FZR1: variants seen among roughly 807,000 people sequenced by gnomAD.
FZR1 encodes the protein fizzy and cell division cycle 20 related 1.
FZR1 carries 11 observed loss-of-function variants against 63.6 expected under a neutral mutation model. The ratio of observed to expected loss-of-function variants is 0.17; its 90% CI spans 0.11 to 0.29. The LOEUF (loss-of-function observed/expected upper bound fraction) is 0.29. FZR1 is among the 10% of genes least tolerant of loss of function. The probability of loss-of-function intolerance (pLI) is 1.00; values close to 1 mark genes in which losing one functional copy is unlikely to be tolerated. For missense variants in FZR1, 440 were observed against 687.5 expected (o/e 0.64, Z 4.03); for synonymous variants, 328 against 297.9 (o/e 1.10, Z -1.04).
Position 3,536,468 on chromosome 19 carries a change from TAAG to T in FZR1, c.*1635_*1637del, listed in dbSNP as rs1191355034. The T allele has an allele frequency of 1.3e-5, 2 of 152,166 alleles. No homozygotes were observed. The highest frequency in any genetic ancestry group is 2.9e-5 in the Non-Finnish European group (2 of 68,022). 9.4% of individuals were successfully genotyped at this position (152,166 alleles called of 1,614,324 possible). A position where few individuals can be genotyped will look rare whatever the true frequency, so the allele number is the denominator to read the frequency against. ...GTCTTACTGTTTCAAGGTTTTTAAA[TAAG>T]AAAACCAACCCTGCCTTCGCCCATG... On this transcript the variant is annotated 3_prime_UTR_variant, in exon 14 of 14. Coordinates refer to ENST00000441788, the MANE Select transcript of FZR1 (RefSeq NM_016263.4).
chr19:3,518,741 C>T (rs1381000262), intron 1 of FZR1, among the ~76,000 whole-genome samples: 1 of 152,218 alleles, frequency 6.6e-6, no homozygotes, highest in African/African-American at 2.4e-5. Context: ...GTGCATGTCT[C>T]TGGTCCTAGC....
Position 3,525,999 on chromosome 19 carries a change from G to C in FZR1, c.195+6G>C. On this transcript the variant is annotated splice_donor_region_variant and intron_variant, in intron 3 of 13. Coordinates refer to ENST00000441788, the MANE Select transcript of FZR1 (RefSeq NM_016263.4). This position sits in a 1 kb window ranked among gnomAD's most constrained non-coding sequence, Gnocchi z 4.2. ...TGAACTTCCACAGGATTAACGTGAG[G>C]GGCTGGCTGGGCAGGAGATGGGACC... The C allele has an allele frequency of 3.7e-6, 6 of 1,611,646 alleles. No individual in the cohort carries two copies. Among genetic ancestry groups the C allele is most frequent in the Non-Finnish European group, 5.1e-6 (6 of 1,179,498 alleles).
chr19:3,511,082 C>T lies in FZR1; in HGVS notation c.-35+4608C>T, dbSNP rs2083021376. On this transcript the variant is annotated intron_variant, in intron 1 of 13. Coordinates refer to ENST00000441788, the MANE Select transcript of FZR1 (RefSeq NM_016263.4). ...GAACCTGATGGCGCTCCATCCGATC[C>T]TGAGAGACCACAGGCGTGGTGCCAC... Among the ~76,000 whole-genome samples, 3 of 152,252 alleles carry T rather than the reference C, an allele frequency of 2.0e-5. No homozygotes were observed. In the South Asian group the frequency reaches 6.2e-4, roughly 32 times the overall value.
chr19:3,509,232 G>A lies in FZR1; in HGVS notation c.-35+2758G>A, dbSNP rs902565972. On this transcript the variant is annotated intron_variant, in intron 1 of 13. Transcript: ENST00000441788. ...CCAGTGGCCCCAGGTCCCTGTGTGC[G>A]TTGGCAGGTGACTGCCTTCCTCTGC... 6.6e-5 allele frequency among the ~76,000 whole-genome samples: 10 copies of A among 152,210 alleles called. 1 individual carries two copies. Among genetic ancestry groups the A allele is most frequent in the Admixed American group, 3.9e-4 (6 of 15,286 alleles).
At chr19:3,527,403 G>T (rs933324127) in intron 6 of FZR1, among the ~76,000 whole-genome samples, 1 of 152,240 alleles carries the variant, frequency 6.6e-6, no homozygotes, top group Admixed American at 6.5e-5. Flanking sequence ...TGGAGGAGGT[G>T]TGGGGAGCAG....
At chr19:3,522,797 C>A (rs981381334) in intron 1 of FZR1, among the ~76,000 whole-genome samples, 159 bp from the exon 2 acceptor site, 2 of 152,136 alleles carry the variant, frequency 1.3e-5, no homozygotes, top group African/African-American at 4.8e-5. Context: ...GGGGGAGCCT[C>A]ACCTAGGATG....
Position 3,525,854 on chromosome 19 carries a change from C to G in FZR1, c.70-14C>G. 6.2e-7 allele frequency: 1 copy of G among 1,609,520 alleles called. No individual in the cohort carries two copies. Among genetic ancestry groups the G allele is most frequent in the Admixed American group, 1.7e-5 (1 of 59,998 alleles). Reference sequence around the variant, plus strand: ...CTCGGTGCTGAGAGCAAGCCCTCTGCTGATGCCCTTCAGGTCACAGAGATG... The same window carrying G: ...CTCGGTGCTGAGAGCAAGCCCTCTGGTGATGCCCTTCAGGTCACAGAGATG... On this transcript the variant is annotated splice_polypyrimidine_tract_variant and intron_variant, in intron 2 of 13. Transcript: ENST00000441788. This position sits in a 1 kb window ranked among gnomAD's most constrained non-coding sequence, Gnocchi z 4.2.
chr19:3,532,378 G>A, intron 10 of FZR1, 39 bp from the exon 11 acceptor site: 1 of 1,512,424 alleles, frequency 6.6e-7, no homozygotes, highest in Non-Finnish European at 9.0e-7. Context: ...GGGACCACAG[G>A]GCTGGGACAG....
chr19:3,531,862 G>A, intron 9 of FZR1, 46 bp downstream of exon 9: 2 of 1,554,438 alleles, frequency 1.3e-6, no homozygotes, highest in Non-Finnish European at 1.7e-6. Flanking sequence ...TGAGGCCCCA[G>A]CTCCGCGAGG....
At chr19:3,519,413 G>A (rs1166688993) in intron 1 of FZR1, among the ~76,000 whole-genome samples, 1 of 152,152 alleles carries the variant, frequency 6.6e-6, no homozygotes, top group Non-Finnish European at 1.5e-5. Context: ...CGACGGTGGT[G>A]GCTGATCTAC....
intron 1 of FZR1, among the ~76,000 whole-genome samples, chr19:3,506,765 C>T (rs1012615972): frequency 1.3e-5 from 2 of 152,094 alleles, no homozygotes; most frequent in African/African-American, 4.8e-5. Context: ...CCGCAGCCGC[C>T]GTCAGCGTCC....
chr19:3,508,517 C>T (rs1568227784), intron 1 of FZR1, among the ~76,000 whole-genome samples: 1 of 152,204 alleles, frequency 6.6e-6, no homozygotes, highest in African/African-American at 2.4e-5. Flanking sequence ...TTTCAAACCA[C>T]TTACTGTTTA....
At chr19:3,518,913 T>G (rs533260113) in intron 1 of FZR1, among the ~76,000 whole-genome samples, 3 of 152,350 alleles carry the variant, frequency 2.0e-5, no homozygotes, top group African/African-American at 7.2e-5. Flanking sequence ...CCTGGAATGC[T>G]TCTCCACCAG....
intron 1 of FZR1, among the ~76,000 whole-genome samples, chr19:3,509,804 G>A (rs1161541732): frequency 1.3e-5 from 2 of 152,230 alleles, no homozygotes; most frequent in African/African-American, 4.8e-5. Context: ...TCGTGGCTGA[G>A]TCATGTTCCG....
intron 7 of FZR1, among the ~76,000 whole-genome samples, chr19:3,528,705 G>A (rs1240661749): frequency 7.6e-6 from 1 of 130,944 alleles, no homozygotes; most frequent in Non-Finnish European, 1.7e-5. Context: ...GAGAGTGGAT[G>A]GGTGAGCAGA....
In FZR1 at chr19:3,533,308, C is replaced by G. The variant is rs3180190; in HGVS notation, c.1257C>G (p.Gly419=). The G allele has an allele frequency of 7.5e-6, 12 of 1,609,482 alleles. No individual in the cohort carries two copies. In the East Asian group the frequency reaches 2.2e-4, roughly 30 times the overall value. ...CCGCCCTCCAGGTGAGCACGCACGG[C>G]TACTCACAGAACCAGATCCTTGTCT... is the stretch of plus-strand genomic sequence containing the variant. The part of the protein sequence containing the change: ...KHANELVSTH[G]YSQNQILVWK... Residue 419 remains glycine (G), a synonymous_variant, in exon 12 of 14, where the codon GGC becomes GGG. Coordinates refer to ENST00000441788, the MANE Select transcript of FZR1 (RefSeq NM_016263.4). This position sits in a 1 kb window ranked among gnomAD's most constrained non-coding sequence, Gnocchi z 4.9.
chr19:3,525,894 G>A lies in FZR1; in HGVS notation c.96G>A (p.Thr32=), dbSNP rs538665074. 15 of 1,612,086 alleles carry A rather than the reference G, an allele frequency of 9.3e-6. No homozygotes were observed. Among genetic ancestry groups the A allele is most frequent in the South Asian group, 4.4e-5 (4 of 91,086 alleles). Residue 32 remains threonine (T), a synonymous_variant, in exon 3 of 14, where the codon ACG becomes ACA. Coordinates refer to ENST00000441788, the MANE Select transcript of FZR1 (RefSeq NM_016263.4). This position sits in a 1 kb window ranked among gnomAD's most constrained non-coding sequence, Gnocchi z 4.2. The stretch of plus-strand genomic sequence containing the variant: ...TCACAGAGATGCGGCGGACCCTGAC[G>A]CCTGCCAGCTCCCCAGTGTCCTCGC... The part of the protein sequence containing the change: ...PRVTEMRRTL[T]PASSPVSSPS...
chr19:3,509,621 C>A (rs1042172520), intron 1 of FZR1, among the ~76,000 whole-genome samples: 2 of 152,208 alleles, frequency 1.3e-5, no homozygotes, highest in African/African-American at 4.8e-5. Context: ...CCAGCCTTGA[C>A]CCCATCAGCC....
Position 3,525,983 on chromosome 19 carries a change from A to G in FZR1, c.185A>G (p.His62Arg). ...RAGANWSVNF[H>R]RINENEKSPS... ...GGAGCCAACTGGAGCGTGAACTTCCACAGGATTAACGTGAGGGGCTGGCTG... is the reference window on the plus strand; with the variant it reads ...GGAGCCAACTGGAGCGTGAACTTCCGCAGGATTAACGTGAGGGGCTGGCTG... The change falls in exon 3 of 14, where the codon CAC becomes CGC. Residue 62 changes from histidine to arginine, a missense_variant. Physicochemically the swap from His to Arg is conservative, Grantham distance 29 (BLOSUM62 0). Transcript: ENST00000441788. The surrounding 1 kb of genome is among the most constrained non-coding windows in gnomAD (Gnocchi z 4.2). The G allele has an allele frequency of 6.2e-7, 1 of 1,612,040 alleles. No individual in the cohort carries two copies. The highest frequency in any genetic ancestry group is 8.5e-7 in the Non-Finnish European group (1 of 1,179,690).
Sources: gnomAD v4.1 joint callset for allele counts (sites outside exome capture counted in the v4.1 genomes callset) on GRCh38, gnomAD v4.1.1 for gene constraint, Gnocchi (gnomAD v3.1) non-coding constraint, MANE v1.5 for transcripts, NCBI Gene and HGNC (gene_info 2026-07-23, HGNC 2026-07-21) for gene names.